The following IGF2 variants were observed in gnomAD, a reference collection of about 807,000 sequenced individuals.
IGF2 encodes insulin-like growth factor 2.
Under a neutral mutation model 12.0 loss-of-function variants are expected in IGF2, and 2 were observed. The observed-to-expected ratio is 0.17, with a 90% CI of 0.07 to 0.52. IGF2 has a LOEUF of 0.52. IGF2 is among the 20% of genes least tolerant of loss of function. The pLI is 0.95. For synonymous variants in IGF2, 105 were observed against 110.1 expected, an observed-to-expected ratio of 0.95 and a Z score of 0.29; for missense variants, 211 against 268.0, an observed-to-expected ratio of 0.79 and a Z score of 1.48.
At chr11:2,149,062 A>G in the IGF2 span, 4 of 1,483,940 alleles carry the variant, frequency 2.7e-6, no homozygotes, top group Non-Finnish European at 3.7e-6. Context: ...CTCCCGGCCC[A>G]CCCACGCCTG....
chr11:2,144,592 C>T (rs1014497262), upstream of IGF2, among the ~76,000 whole-genome samples: 1 of 152,198 alleles, frequency 6.6e-6, no homozygotes, highest in Non-Finnish European at 1.5e-5. Flanking sequence ...TTCGTTCTCT[C>T]CAAGCGAATT....
intron 1 of IGF2, chr11:2,137,233 A>AGAG: frequency 1.0e-6 from 1 of 995,924 alleles, no homozygotes; most frequent in Non-Finnish European, 1.2e-6. Flanking sequence ...AGGAGGAGGA[A>AGAG]GAGGAGGAGG....
chr11:2,141,457 GAA>G (rs1322152982), upstream of IGF2, among the ~76,000 whole-genome samples: 10 of 152,164 alleles, frequency 6.6e-5, no homozygotes, highest in Non-Finnish European at 1.5e-4. Context: ...GGAACATAGA[GAA>G]AGAGGTCTCA....
rs1858546656 is a variant in IGF2, at chr11:2,131,515, T to TA, written c.*1471dup. 4.3e-6 allele frequency: 1 copy of TA among 230,928 alleles called. No individual in the cohort carries two copies. Among genetic ancestry groups the TA allele is most frequent in the African/African-American group, 2.3e-5 (1 of 44,402 alleles). 14.3% of individuals were successfully genotyped at this position (230,928 alleles called of 1,614,324 possible). A position where few individuals can be genotyped will look rare whatever the true frequency, so the allele number is the denominator to read the frequency against. ...TTGTGTGCTGTGAGCTGTGTTCATG[T>TA]ATGTGCTGCGCATGAGTGTGTGTGC... On this transcript the variant is annotated 3_prime_UTR_variant, in exon 4 of 4. Coordinates refer to ENST00000416167, the MANE Select transcript of IGF2 (RefSeq NM_000612.6).
Position 2,132,934 on chromosome 11 carries a change from A to G in IGF2, c.*53T>C. On this transcript the variant is annotated 3_prime_UTR_variant, in exon 4 of 4. Transcript: ENST00000416167. ...GAACCTGATGGAAACGTCCGTGGTCAGGAGGAGGCTGCAGGATGGTGGCGC... is the reference window on the plus strand; with the variant it reads ...GAACCTGATGGAAACGTCCGTGGTCGGGAGGAGGCTGCAGGATGGTGGCGC... The G allele has an allele frequency of 8.2e-7, 1 of 1,215,182 alleles. No individual in the cohort carries two copies. Among genetic ancestry groups the G allele is most frequent in the Non-Finnish European group, 1.1e-6 (1 of 874,442 alleles). 75.3% of individuals were successfully genotyped at this position (1,215,182 alleles called of 1,614,324 possible).
rs376978352 is a variant in IGF2 at position 2,132,878 on chromosome 11, G to T, written c.*109C>A. On this transcript the variant is annotated 3_prime_UTR_variant, in exon 4 of 4. Transcript: ENST00000416167. ...GGGACTGGGTCAGGAGAAGCCCCAGGGGGACGTGGAACCGAGAGATTTTCG... is the reference window on the plus strand; with the variant it reads ...GGGACTGGGTCAGGAGAAGCCCCAGTGGGACGTGGAACCGAGAGATTTTCG... 1 of 775,272 alleles carries T rather than the reference G, an allele frequency of 1.3e-6. No homozygotes were observed. The highest frequency in any genetic ancestry group is 1.8e-5 in the South Asian group (1 of 56,374). The allele number at this position is 775,272 out of a possible 1,614,324, so 48.0% of individuals were successfully genotyped here.
upstream of IGF2, among the ~76,000 whole-genome samples, chr11:2,144,243 C>G (rs962003778): frequency 6.6e-6 from 1 of 152,200 alleles, no homozygotes; most frequent in Non-Finnish European, 1.5e-5. Context: ...CAGATACCTG[C>G]TCGGTCCCCG....
chr11:2,140,762 G>A (rs958471523), upstream of IGF2: 6 of 326,168 alleles, frequency 1.8e-5, no homozygotes, highest in Non-Finnish European at 3.5e-5. Flanking sequence ...GGCAGCCGGA[G>A]ACGAGCGCCA....
At chr11:2,149,203 G>T in the IGF2 span, 1 of 1,613,420 alleles carries the variant, frequency 6.2e-7, no homozygotes, top group Non-Finnish European at 8.5e-7. Context: ...TGGTGCCCAA[G>T]GCTCTCTGCC....
At chr11:2,135,566 C>A in intron 1 of IGF2, 37 bp from the exon 2 acceptor site, 1 of 1,586,966 alleles carries the variant, frequency 6.3e-7, no homozygotes, top group South Asian at 1.1e-5. Context: ...GCGGGGCAGC[C>A]AGGCCAAGCC....
At chr11:2,137,505 G>T (rs925022915) in intron 1 of IGF2, among the ~76,000 whole-genome samples, 2 of 150,804 alleles carry the variant, frequency 1.3e-5, no homozygotes, top group Non-Finnish European at 3.0e-5. Context: ...TGCACCCCCG[G>T]CTCATCTCTG....
intron 1 of IGF2, among the ~76,000 whole-genome samples, chr11:2,137,541 TC>T (rs1490307669): frequency 9.4e-6 from 1 of 106,360 alleles, no homozygotes; most frequent in Non-Finnish European, 2.1e-5. Flanking sequence ...GGGGGGGGGG[TC>T]TCCTTCCCAC....
chr11:2,130,892 C>T lies in IGF2; in HGVS notation c.*2095G>A. On this transcript the variant is annotated 3_prime_UTR_variant, in exon 4 of 4. Coordinates refer to ENST00000416167, the MANE Select transcript of IGF2 (RefSeq NM_000612.6). ...CCCAGGAGACGGGCAAAGATGATCC[C>T]TAGGTGTGCTCCGGTGGGGGGGTCC... 4.8e-6 allele frequency: 1 copy of T among 208,024 alleles called. No homozygotes were observed. Among genetic ancestry groups the T allele is most frequent in the Non-Finnish European group, 9.8e-6 (1 of 102,286 alleles). The allele number at this position is 208,024 out of a possible 1,614,324, so 12.9% of individuals were successfully genotyped here. A position where few individuals can be genotyped will look rare whatever the true frequency, so the allele number is the denominator to read the frequency against.
chr11:2,138,202 C>A, intron 1 of IGF2, 27 bp downstream of exon 1: 2 of 983,964 alleles, frequency 2.0e-6, no homozygotes, highest in Non-Finnish European at 2.4e-6. Context: ...AGCCCCGGCC[C>A]CGGCCCGGCC....
the IGF2 span, chr11:2,146,609 G>T: frequency 4.6e-5 from 16 of 344,566 alleles, no homozygotes; most frequent in South Asian, 3.4e-4. Flanking sequence ...CACTCCAAAG[G>T]ACTGAGGCGG....
chr11:2,149,347 T>A, the IGF2 span: 8 of 1,609,974 alleles, frequency 5.0e-6, no homozygotes, highest in South Asian at 7.7e-5. Context: ...AAGCTGAGGC[T>A]GGAGAAACGA....
At position 2,132,833 on chromosome 11, in the gene IGF2, T is replaced by TAGA; in HGVS notation, c.*153_*154insTCT. On this transcript the variant is annotated 3_prime_UTR_variant, in exon 4 of 4. Transcript: ENST00000416167. ...GGAGGGGGCCGAGGAGAGTAGCCTG[T>TAGA]TTCGGGGAGGCGGGGCACGGGGACT... is the stretch of plus-strand genomic sequence containing the variant. The TAGA allele has an allele frequency of 1.7e-6, 1 of 602,388 alleles. No individual in the cohort carries two copies. Among genetic ancestry groups the TAGA allele is most frequent in the Non-Finnish European group, 2.9e-6 (1 of 342,152 alleles). 37.3% of individuals were successfully genotyped at this position (602,388 alleles called of 1,614,324 possible).
rs749385462 is a variant in IGF2 at position 2,130,487 on chromosome 11, G to C, written c.*2500C>G. On this transcript the variant is annotated 3_prime_UTR_variant, in exon 4 of 4. Transcript: ENST00000416167. ...GCAGGACGTGGTGGTCTCCAGGCTG[G>C]CTTCGTGCGTTCTTGCTTTTGTCAC... The C allele has an allele frequency of 4.5e-6, 1 of 224,222 alleles. No homozygotes were observed. The highest frequency in any genetic ancestry group is 5.8e-5 in the Admixed American group (1 of 17,366). 13.9% of individuals were successfully genotyped at this position (224,222 alleles called of 1,614,324 possible).
Position 2,133,879 on chromosome 11 carries a change from C to A in IGF2, c.158-214G>T, listed in dbSNP as rs564388495. Reference sequence around the variant, plus strand: ...GGGAGGTGAGTGGGACCCAGACCAGCCCGTGGCCTCTGCTGCCTCCTTCCT... The same window carrying A: ...GGGAGGTGAGTGGGACCCAGACCAGACCGTGGCCTCTGCTGCCTCCTTCCT... On this transcript the variant is annotated intron_variant, in intron 2 of 3. Coordinates refer to ENST00000416167, the MANE Select transcript of IGF2 (RefSeq NM_000612.6). The surrounding 1 kb of genome is among the most constrained non-coding windows in gnomAD (Gnocchi z 8.9). 6.6e-6 allele frequency among the ~76,000 whole-genome samples: 1 copy of A among 152,348 alleles called. No homozygotes were observed. Among genetic ancestry groups the A allele is most frequent in the East Asian group, 1.9e-4 (1 of 5,180 alleles).
Sources: gnomAD v4.1 joint callset for allele counts (sites outside exome capture counted in the v4.1 genomes callset) on GRCh38, gnomAD v4.1.1 for gene constraint, Gnocchi (gnomAD v3.1) non-coding constraint, MANE v1.5 for transcripts, NCBI Gene and HGNC (gene_info 2026-07-23, HGNC 2026-07-21) for gene names.